AFG1L: variants seen among roughly 807,000 people sequenced by gnomAD.
The protein encoded by AFG1L is AFG1 like ATPase.
AFG1L carries 53 observed loss-of-function variants against 62.2 expected under a neutral mutation model. The observed-to-expected ratio is 0.85, with a 90% CI of 0.68 to 1.07. The LOEUF is 1.07. AFG1L is among the 50% of genes least tolerant of loss of function. The pLI, the probability that AFG1L is intolerant of heterozygous loss-of-function variation, is 0.00. For synonymous variants in AFG1L, 228 were observed against 210.3 expected (o/e 1.08, Z -0.73); for missense variants, 555 against 590.5 (o/e 0.94, Z 0.62).
intron 11 of AFG1L, among the ~76,000 whole-genome samples, chr6:108,510,935 G>A (rs1485266534): frequency 6.6e-6 from 1 of 151,934 alleles, no homozygotes; most frequent in Non-Finnish European, 1.5e-5. Context: ...AAATTAGCTG[G>A]GTGTGGTGAT....
chr6:108,442,160 T>G (rs1582593363), intron 7 of AFG1L, among the ~76,000 whole-genome samples: 2 of 152,062 alleles, frequency 1.3e-5, no homozygotes, highest in African/African-American at 4.8e-5. Context: ...GTAAGACATG[T>G]TCCCTGCATA....
chr6:108,411,616 G>C (rs974371513), intron 7 of AFG1L, among the ~76,000 whole-genome samples: 2 of 152,328 alleles, frequency 1.3e-5, no homozygotes, highest in South Asian at 2.1e-4. Flanking sequence ...CTGTTCTGCA[G>C]CCTCTGCTGC....
intron 10 of AFG1L, among the ~76,000 whole-genome samples, chr6:108,496,873 A>G (rs543194124): frequency 6.6e-6 from 1 of 152,322 alleles, no homozygotes; most frequent in African/African-American, 2.4e-5. Context: ...ATTTTGCATT[A>G]TGCTTTTTCA....
At position 108,451,761 on chromosome 6, in the gene AFG1L, A is replaced by G. The variant is rs565851097; in HGVS notation, c.890+4465A>G. Among the ~76,000 whole-genome samples the G allele has an allele frequency of 2.6e-5, 4 of 151,824 alleles. No individual in the cohort carries two copies. In the East Asian group the frequency reaches 7.7e-4, roughly 29 times the overall value. ...ACACGGAGTCTTGCTCTGTCACTGG[A>G]GGGCTGGAGTGCAGTGGCGTGATCT... On this transcript the variant is annotated intron_variant, in intron 8 of 12. Transcript: ENST00000368977.
intron 1 of AFG1L, among the ~76,000 whole-genome samples, chr6:108,317,359 G>A (rs1777645387): frequency 6.6e-6 from 1 of 152,274 alleles, no homozygotes; most frequent in East Asian, 1.9e-4. Flanking sequence ...GAATGGCACT[G>A]TTGATTGGTT....
intron 1 of AFG1L, among the ~76,000 whole-genome samples, chr6:108,316,047 T>TA (rs915634758): frequency 6.7e-6 from 1 of 150,326 alleles, no homozygotes; most frequent in African/African-American, 2.4e-5. Context: ...AGACCCTGCT[T>TA]AAAAAAAAAT....
chr6:108,476,847 T>G lies in AFG1L; in HGVS notation c.891-18T>G, dbSNP rs1773123665. 6.3e-7 allele frequency: 1 copy of G among 1,595,000 alleles called. No homozygotes were observed. The highest frequency in any genetic ancestry group is 8.6e-7 in the Non-Finnish European group (1 of 1,162,590). Reference sequence around the variant, plus strand: ...CAAGTGTTATTAATTTCATATTCTATTATTCTTTTCACTGTAGCACAAGTG... The same window carrying G: ...CAAGTGTTATTAATTTCATATTCTAGTATTCTTTTCACTGTAGCACAAGTG... On this transcript the variant is annotated intron_variant, in intron 8 of 12. Coordinates refer to ENST00000368977, the MANE Select transcript of AFG1L (RefSeq NM_145315.5).
At chr6:108,397,674 T>C (rs1023411793) in intron 6 of AFG1L, among the ~76,000 whole-genome samples, 1 of 152,234 alleles carries the variant, frequency 6.6e-6, no homozygotes, top group Non-Finnish European at 1.5e-5. Context: ...TTAATTGTTT[T>C]GACTTTCAGA....
chr6:108,397,793 T>G (rs1781387217), intron 6 of AFG1L, among the ~76,000 whole-genome samples: 2 of 152,228 alleles, frequency 1.3e-5, no homozygotes, highest in African/African-American at 4.8e-5. Flanking sequence ...TCCATTCTTT[T>G]TTATGGCAGA....
At chr6:108,413,790 A>C (rs572449776) in intron 7 of AFG1L, among the ~76,000 whole-genome samples, 3 of 152,090 alleles carry the variant, frequency 2.0e-5, no homozygotes, top group Non-Finnish European at 4.4e-5. Flanking sequence ...CAAATTTATA[A>C]CACTAAATGC....
intron 1 of AFG1L, among the ~76,000 whole-genome samples, chr6:108,315,313 C>T (rs1011585650): frequency 6.6e-6 from 1 of 152,132 alleles, no homozygotes; most frequent in Non-Finnish European, 1.5e-5. Context: ...CATCTATAAC[C>T]TTAGGCTGGG....
chr6:108,323,705 A>C lies in AFG1L; in HGVS notation c.140-120A>C, dbSNP rs920674832. On this transcript the variant is annotated intron_variant, in intron 1 of 12. Coordinates refer to ENST00000368977, the MANE Select transcript of AFG1L (RefSeq NM_145315.5). The stretch of plus-strand genomic sequence containing the variant: ...TTTTTATCAAAATGACATTTACAAA[A>C]ACTGCTCCAATAGATATACTTGTAA... 8 of 652,050 alleles carry C rather than the reference A, an allele frequency of 1.2e-5. No homozygotes were observed. The East Asian group carries it at 1.9e-4, about 15-fold the overall frequency. The allele number at this position is 652,050 out of a possible 1,614,324, so 40.4% of individuals were successfully genotyped here. A position where few individuals can be genotyped will look rare whatever the true frequency, so the allele number is the denominator to read the frequency against.
At chr6:108,447,672 A>T (rs887611791) in intron 8 of AFG1L, among the ~76,000 whole-genome samples, 2 of 152,070 alleles carry the variant, frequency 1.3e-5, no homozygotes, top group Non-Finnish European at 1.5e-5. Context: ...TTGTTGTTTT[A>T]TTTGTCAATC....
rs552394354 is a variant in AFG1L at position 108,390,697 on chromosome 6, A to G, written c.749-11299A>G. On this transcript the variant is annotated intron_variant, in intron 6 of 12. Transcript: ENST00000368977. Reference sequence around the variant, plus strand: ...CAAACAGCGAATATTGCTGAACAGCAAATGTTGCTGCATGATCATTCCTCT... The same window carrying G: ...CAAACAGCGAATATTGCTGAACAGCGAATGTTGCTGCATGATCATTCCTCT... 3.3e-5 allele frequency among the ~76,000 whole-genome samples: 5 copies of G among 152,324 alleles called. No individual in the cohort carries two copies. The East Asian group carries it at 9.6e-4, about 29-fold the overall frequency.
At chr6:108,306,506 TATTCATTTACTC>T (rs552568212) in intron 1 of AFG1L, among the ~76,000 whole-genome samples, 46 of 152,242 alleles carry the variant, frequency 3.0e-4, no homozygotes, top group Non-Finnish European at 5.0e-4. Context: ...TTCATTTATT[TATTCATTTACTC>T]ATTCATTTTT....
intron 7 of AFG1L, among the ~76,000 whole-genome samples, chr6:108,446,188 A>G (rs1031131785): frequency 6.6e-6 from 1 of 152,068 alleles, no homozygotes; most frequent in African/African-American, 2.4e-5. Flanking sequence ...TCTCAAAGTA[A>G]GAATTTGGGA....
At chr6:108,366,380 C>A in intron 6 of AFG1L, 48 bp downstream of exon 6, 2 of 1,162,960 alleles carry the variant, frequency 1.7e-6, no homozygotes, top group Non-Finnish European at 2.5e-6. Context: ...TGGAAACTAA[C>A]AAGCTTTTAA....
At chr6:108,340,458 A>G (rs1296185374) in intron 2 of AFG1L, among the ~76,000 whole-genome samples, 1 of 151,148 alleles carries the variant, frequency 6.6e-6, no homozygotes, top group African/African-American at 2.4e-5. Context: ...CCATCTCCCA[A>G]TTTCAAGCGA....
intron 10 of AFG1L, among the ~76,000 whole-genome samples, chr6:108,497,362 T>G (rs1774012345): frequency 6.6e-6 from 1 of 152,222 alleles, no homozygotes; most frequent in Non-Finnish European, 1.5e-5. Context: ...ATTTGTTTAT[T>G]AGCCTCTTTT....
Sources: allele counts gnomAD v4.1 joint callset (sites outside exome capture counted in the v4.1 genomes callset), GRCh38; gene constraint gnomAD v4.1.1; transcripts MANE v1.5; gene names NCBI Gene and HGNC (gene_info 2026-07-23, HGNC 2026-07-21).